EYA4: variants seen among roughly 807,000 people sequenced by gnomAD.
EYA4 encodes the protein EYA transcriptional coactivator and phosphatase 4.
EYA4 carries 31 observed loss-of-function variants against 87.9 expected under a neutral mutation model. The observed-to-expected ratio is 0.35, with a 90% confidence interval of 0.27 to 0.48. The LOEUF (loss-of-function observed/expected upper bound fraction) is 0.48, where lower values mean the gene tolerates loss of function less well. Among genes scored for constraint, EYA4 ranks in the 20% least tolerant of loss-of-function variants. The pLI is 0.99. For missense variants in EYA4, 678 were observed against 761.4 expected (o/e 0.89, Z 1.29); for synonymous variants, 263 against 270.6 (o/e 0.97, Z 0.28).
chr6:133,337,268 A>G (rs893030382), intron 2 of EYA4, among the ~76,000 whole-genome samples: 15 of 152,198 alleles, frequency 9.9e-5, no homozygotes, highest in Admixed American at 5.9e-4. Context: ...ACCTGATAGC[A>G]GAAAATGTGA....
intron 2 of EYA4, among the ~76,000 whole-genome samples, chr6:133,348,245 C>G (rs1388877603): frequency 6.7e-6 from 1 of 150,258 alleles, no homozygotes; most frequent in Non-Finnish European, 1.5e-5. Flanking sequence ...AATCTTCCTC[C>G]TCATCTCTTC....
intron 10 of EYA4, among the ~76,000 whole-genome samples, chr6:133,466,585 C>T (rs1382596899): frequency 6.6e-6 from 1 of 152,012 alleles, no homozygotes; most frequent in Non-Finnish European, 1.5e-5. Context: ...GAGAACAGGG[C>T]CTGCGAAAAC....
intron 2 of EYA4, among the ~76,000 whole-genome samples, chr6:133,282,487 A>G (rs1311024642): frequency 6.6e-6 from 1 of 152,166 alleles, no homozygotes; most frequent in Non-Finnish European, 1.5e-5. Flanking sequence ...ATTCAGCACA[A>G]GATTTCATTA....
chr6:133,303,719 T>C (rs1779589523), intron 2 of EYA4, among the ~76,000 whole-genome samples: 1 of 152,248 alleles, frequency 6.6e-6, no homozygotes, highest in Non-Finnish European at 1.5e-5. Context: ...ATATTTGTTC[T>C]CTGTAATAAA....
rs139511806 is a variant in EYA4, at chr6:133,475,990, A to T, written c.971-5473A>T. Among the ~76,000 whole-genome samples the T allele has an allele frequency of 3.4e-4, 51 of 152,194 alleles. No homozygotes were observed. In the East Asian group the frequency reaches 9.9e-3, roughly 30 times the overall value. Reference sequence around the variant, plus strand: ...CCCTCCATCTCACAGAAATTATATAATGCCCATGTGACTTTTATTTTAATT... The same window carrying T: ...CCCTCCATCTCACAGAAATTATATATTGCCCATGTGACTTTTATTTTAATT... On this transcript the variant is annotated intron_variant, in intron 11 of 19. Coordinates refer to ENST00000355286, the MANE Select transcript of EYA4 (RefSeq NM_004100.5).
At chr6:133,480,483 G>A (rs553160965) in intron 11 of EYA4, among the ~76,000 whole-genome samples, 135 of 152,276 alleles carry the variant, frequency 8.9e-4, no homozygotes, top group African/African-American at 3.0e-3. Context: ...CGTGACTCTT[G>A]AGCACTTGTC....
intron 2 of EYA4, among the ~76,000 whole-genome samples, chr6:133,305,843 T>A (rs575828541): frequency 6.6e-6 from 1 of 152,300 alleles, no homozygotes; most frequent in East Asian, 1.9e-4. Context: ...TTAGATTGCA[T>A]CTGATATTCA....
chr6:133,330,118 G>A (rs1415119805), intron 2 of EYA4, among the ~76,000 whole-genome samples: 5 of 152,110 alleles, frequency 3.3e-5, no homozygotes, highest in East Asian at 1.9e-4. Flanking sequence ...CTTACTAATT[G>A]TAGCAGCTGA....
chr6:133,454,976 G>A (rs1405915229), intron 5 of EYA4, among the ~76,000 whole-genome samples: 1 of 152,000 alleles, frequency 6.6e-6, no homozygotes, highest in Non-Finnish European at 1.5e-5. Flanking sequence ...CTCCTGCACT[G>A]GAACTTATGC....
At chr6:133,488,379 C>G (rs1562479581) in intron 13 of EYA4, among the ~76,000 whole-genome samples, 1 of 152,134 alleles carries the variant, frequency 6.6e-6, no homozygotes, top group Non-Finnish European at 1.5e-5. Context: ...TTGCCACCTG[C>G]TGATTGTAGA....
At chr6:133,399,329 A>G (rs1227131853) in intron 3 of EYA4, among the ~76,000 whole-genome samples, 1 of 152,134 alleles carries the variant, frequency 6.6e-6, no homozygotes. Flanking sequence ...ACTTCAATGT[A>G]TTTTTCTCTC....
chr6:133,300,892 T>A (rs900561610), intron 2 of EYA4, among the ~76,000 whole-genome samples: 5 of 152,240 alleles, frequency 3.3e-5, no homozygotes, highest in Non-Finnish European at 7.3e-5. Flanking sequence ...AATAGTTAGA[T>A]GGTTACCACA....
At chr6:133,484,984 C>T (rs979520731) in intron 13 of EYA4, among the ~76,000 whole-genome samples, 4 of 152,126 alleles carry the variant, frequency 2.6e-5, no homozygotes, top group Non-Finnish European at 5.9e-5. Flanking sequence ...GGACCCAAGG[C>T]GGTGAATAAG....
At chr6:133,405,973 G>A (rs1788666322) in intron 3 of EYA4, among the ~76,000 whole-genome samples, 1 of 152,108 alleles carries the variant, frequency 6.6e-6, no homozygotes, top group South Asian at 2.1e-4. Flanking sequence ...GAACTGTGTA[G>A]TCAACTGGAG....
At chr6:133,480,107 G>A (rs60036664) in intron 11 of EYA4, among the ~76,000 whole-genome samples, 2,581 of 152,162 alleles carry the variant, frequency 0.017, 71 homozygotes, top group African/African-American at 0.059. Context: ...TGTGTGGAGT[G>A]AAGACAGTGA....
At chr6:133,348,594 G>A (rs1428133982) in intron 2 of EYA4, among the ~76,000 whole-genome samples, 1 of 151,918 alleles carries the variant, frequency 6.6e-6, no homozygotes, top group Non-Finnish European at 1.5e-5. Context: ...TACTCCTTTG[G>A]TGATCTCATC....
chr6:133,486,966 TACTGAAGGAGGC>T (rs550744144), intron 13 of EYA4, among the ~76,000 whole-genome samples: 97 of 152,186 alleles, frequency 6.4e-4, no homozygotes, highest in Non-Finnish European at 1.2e-3. Flanking sequence ...TAACTCATAT[TACTGAAGGAGGC>T]ACTGAAGAGG....
At chr6:133,252,473 C>T (rs1215259442) in intron 1 of EYA4, among the ~76,000 whole-genome samples, 1 of 152,080 alleles carries the variant, frequency 6.6e-6, no homozygotes, top group East Asian at 1.9e-4. Flanking sequence ...AGTTCTCATT[C>T]TATGGGTTTG....
Position 133,498,350 on chromosome 6 carries a change from G to C in EYA4, c.1192-7756G>C, listed in dbSNP as rs543168795. Among the ~76,000 whole-genome samples, 10 of 152,258 alleles carry C rather than the reference G, an allele frequency of 6.6e-5. No homozygotes were observed. In the East Asian group the frequency reaches 1.7e-3, roughly 26 times the overall value. On this transcript the variant is annotated intron_variant, in intron 13 of 19. Coordinates refer to ENST00000355286, the MANE Select transcript of EYA4 (RefSeq NM_004100.5). ...TATTTAGCATTTATGAGCCTCAGTT[G>C]TCTTGTATATAAAATAAGGAGAATA...
Sources: gnomAD v4.1 joint callset for allele counts (sites outside exome capture counted in the v4.1 genomes callset) on GRCh38, gnomAD v4.1.1 for gene constraint, MANE v1.5 for transcripts, NCBI Gene and HGNC (gene_info 2026-07-23, HGNC 2026-07-21) for gene names.